CALN1: variants seen among roughly 807,000 people sequenced by gnomAD.
CALN1 encodes calneuron 1, also known as calcium-binding protein 8.
CALN1 carries 17 observed loss-of-function variants against 30.6 expected under a neutral mutation model. The ratio of observed to expected loss-of-function variants is 0.56; its 90% confidence interval spans 0.38 to 0.83. The LOEUF is 0.83. CALN1 is among the 40% of genes least tolerant of loss of function. The pLI, the probability that CALN1 is intolerant of heterozygous loss-of-function variation, is 0.00. For missense variants in CALN1, 291 were observed against 354.9 expected (o/e 0.82, Z 1.45); for synonymous variants, 156 against 131.4 (o/e 1.19, Z -1.28).
At chr7:72,136,795 T>C (rs1028155511) in intron 3 of CALN1, among the ~76,000 whole-genome samples, 1 of 152,110 alleles carries the variant, frequency 6.6e-6, no homozygotes. Flanking sequence ...TCTCAGGGAA[T>C]AGGGATCCCC....
chr7:72,021,797 C>A (rs1364859448), intron 5 of CALN1, among the ~76,000 whole-genome samples: 1 of 152,210 alleles, frequency 6.6e-6, no homozygotes, highest in Non-Finnish European at 1.5e-5. Context: ...CCAGCCCCAA[C>A]TGATTTCAGC....
At chr7:71,816,608 G>A (rs1788277837) in intron 5 of CALN1, among the ~76,000 whole-genome samples, 1 of 152,124 alleles carries the variant, frequency 6.6e-6, no homozygotes, top group Non-Finnish European at 1.5e-5. Context: ...CAGGCCAAAA[G>A]ATTGGTCAGG....
chr7:72,257,243 C>G (rs1195412540), intron 3 of CALN1, among the ~76,000 whole-genome samples: 3 of 152,120 alleles, frequency 2.0e-5, no homozygotes, highest in African/African-American at 7.2e-5. Flanking sequence ...CACCTTCCAC[C>G]AGGTCCCTCA....
chr7:72,136,908 C>CA (rs1347811935), intron 3 of CALN1, among the ~76,000 whole-genome samples: 5 of 151,892 alleles, frequency 3.3e-5, no homozygotes, highest in South Asian at 2.1e-4. Flanking sequence ...TTTGTGGCCT[C>CA]AAAAAAATCA....
intron 2 of CALN1, among the ~76,000 whole-genome samples, chr7:72,301,086 G>T (rs1018152266): frequency 2.0e-5 from 3 of 152,154 alleles, no homozygotes; most frequent in African/African-American, 7.2e-5. Flanking sequence ...AGGGCAGGAT[G>T]AATTCATCCA....
chr7:71,898,934 A>G (rs1480907566), intron 5 of CALN1, among the ~76,000 whole-genome samples: 1 of 152,204 alleles, frequency 6.6e-6, no homozygotes, highest in Admixed American at 6.5e-5. Flanking sequence ...TAACTTAGAA[A>G]TTAGAAGACA....
intron 6 of CALN1, among the ~76,000 whole-genome samples, chr7:71,791,552 G>A (rs182285036): frequency 6.6e-6 from 1 of 152,278 alleles, no homozygotes; most frequent in Non-Finnish European, 1.5e-5. Flanking sequence ...GCCCACTTGA[G>A]GATGGAGGGT....
intron 5 of CALN1, among the ~76,000 whole-genome samples, chr7:71,857,933 G>A (rs1451641393): frequency 6.6e-6 from 1 of 152,126 alleles, no homozygotes; most frequent in Non-Finnish European, 1.5e-5. Context: ...TCAAGGAAGT[G>A]GGCCAAAGAA....
At chr7:71,813,430 A>T (rs901293078) in intron 5 of CALN1, among the ~76,000 whole-genome samples, 15 of 152,188 alleles carry the variant, frequency 9.9e-5, no homozygotes, top group Admixed American at 2.0e-4. Flanking sequence ...ATGCCTCTTT[A>T]AAAAAATCTC....
At chr7:72,338,738 A>G (rs1035480172) in intron 2 of CALN1, among the ~76,000 whole-genome samples, 1 of 152,172 alleles carries the variant, frequency 6.6e-6, no homozygotes, top group East Asian at 1.9e-4. Flanking sequence ...ACAGGCATGC[A>G]ATGTGAAATA....
chr7:72,322,945 A>G (rs1234042091), intron 2 of CALN1, among the ~76,000 whole-genome samples: 1 of 151,594 alleles, frequency 6.6e-6, no homozygotes, highest in African/African-American at 2.4e-5. Flanking sequence ...AAAAATCAAA[A>G]AAATTTTTAA....
chr7:72,092,203 T>C (rs990178120), intron 4 of CALN1, among the ~76,000 whole-genome samples: 11 of 152,148 alleles, frequency 7.2e-5, no homozygotes, highest in African/African-American at 1.2e-4. Flanking sequence ...GATTGAAAGG[T>C]TTTTGGTTTT....
At chr7:71,943,909 GA>G (rs1562924566) in intron 5 of CALN1, among the ~76,000 whole-genome samples, 1 of 152,148 alleles carries the variant, frequency 6.6e-6, no homozygotes, top group African/African-American at 2.4e-5. Flanking sequence ...TGGAGATAAA[GA>G]AAAAATAATA....
chr7:71,907,899 C>A (rs1467662268), intron 5 of CALN1, among the ~76,000 whole-genome samples: 1 of 152,096 alleles, frequency 6.6e-6, no homozygotes, highest in Non-Finnish European at 1.5e-5. Flanking sequence ...TTGATGATAT[C>A]CTGTCCCCAG....
At chr7:72,049,945 G>C (rs1162971264) in intron 4 of CALN1, among the ~76,000 whole-genome samples, 1 of 151,300 alleles carries the variant, frequency 6.6e-6, no homozygotes. Flanking sequence ...GAGTAGCTGG[G>C]ACTAGGGGCT....
intron 2 of CALN1, among the ~76,000 whole-genome samples, chr7:72,318,387 C>T (rs1800632931): frequency 6.6e-6 from 1 of 152,138 alleles, no homozygotes; most frequent in Non-Finnish European, 1.5e-5. Flanking sequence ...GCAAAAAAAT[C>T]ACAGAGCAAG....
intron 2 of CALN1, among the ~76,000 whole-genome samples, chr7:72,388,874 G>A (rs1805401711): frequency 6.6e-6 from 1 of 152,264 alleles, no homozygotes; most frequent in Middle Eastern, 3.4e-3. Flanking sequence ...CTTCTAGTTG[G>A]TGCAATGCTT....
At chr7:72,345,809 C>A (rs1802613541) in intron 2 of CALN1, among the ~76,000 whole-genome samples, 1 of 152,188 alleles carries the variant, frequency 6.6e-6, no homozygotes, top group South Asian at 2.1e-4. Context: ...CAAAAATGAT[C>A]TTTACGTACC....
At chr7:72,058,348 C>T (rs1243905523) in intron 4 of CALN1, among the ~76,000 whole-genome samples, 2 of 117,984 alleles carry the variant, frequency 1.7e-5, no homozygotes, top group Admixed American at 2.2e-4. Flanking sequence ...GACGGAGTCT[C>T]GCACTGTTGC....
Sources: gnomAD v4.1 joint callset for allele counts (sites outside exome capture counted in the v4.1 genomes callset) on GRCh38, gnomAD v4.1.1 for gene constraint, MANE v1.5 for transcripts, NCBI Gene and HGNC (gene_info 2026-07-23, HGNC 2026-07-21) for gene names.